SASH1: variants seen among roughly 807,000 people sequenced by gnomAD.
SASH1 encodes SAM and SH3 domain-containing protein 1.
In SASH1, 44 loss-of-function variants were observed where a neutral mutation model predicts 125.2. The ratio of observed to expected loss-of-function variants is 0.35; its 90% CI spans 0.28 to 0.45. SASH1 has a LOEUF of 0.45. Among genes scored for constraint, SASH1 ranks in the 20% least tolerant of loss-of-function variants. The pLI, the probability that SASH1 is intolerant of heterozygous loss-of-function variation, is 1.00. For synonymous variants in SASH1, 639 were observed against 649.1 expected (o/e 0.98, Z 0.24); for missense variants, 1,426 against 1,614.5 (o/e 0.88, Z 2.00).
chr6:148,387,074 CCTCTGT>C (rs1190682219), intron 1 of SASH1, among the ~76,000 whole-genome samples: 9 of 129,214 alleles, frequency 7.0e-5, no homozygotes, highest in African/African-American at 3.1e-4. Flanking sequence ...TTGCTTTCTC[CCTCTGT>C]CTCTCTCTCT....
chr6:148,426,483 CT>C (rs1444716299), intron 2 of SASH1, among the ~76,000 whole-genome samples: 1 of 152,160 alleles, frequency 6.6e-6, no homozygotes, highest in Non-Finnish European at 1.5e-5. Flanking sequence ...TGAAGGTGCT[CT>C]GGTTTCCATT....
chr6:148,461,029 T>C (rs1229376056), intron 4 of SASH1, among the ~76,000 whole-genome samples: 1 of 152,192 alleles, frequency 6.6e-6, no homozygotes, highest in Non-Finnish European at 1.5e-5. Context: ...CTGTGAATAG[T>C]TACAAGAAGT....
At chr6:148,388,726 G>A (rs1056055220) in intron 1 of SASH1, among the ~76,000 whole-genome samples, 1 of 152,208 alleles carries the variant, frequency 6.6e-6, no homozygotes, top group African/African-American at 2.4e-5. Flanking sequence ...TAGCAGAAAG[G>A]CTTTGGGAGA....
At chr6:148,410,099 CTTTTTTTT>C (rs869081496) in intron 2 of SASH1, among the ~76,000 whole-genome samples, 2 of 55,742 alleles carry the variant, frequency 3.6e-5, no homozygotes, top group Non-Finnish European at 6.8e-5. Flanking sequence ...CAGAGCAGTC[CTTTTTTTT>C]TTTTTTTTTT....
chr6:148,511,119 C>A (rs963862533), intron 8 of SASH1, among the ~76,000 whole-genome samples: 1 of 151,882 alleles, frequency 6.6e-6, no homozygotes, highest in Non-Finnish European at 1.5e-5. Context: ...AGAAGAAATG[C>A]AAGCCTTTTA....
At chr6:148,222,764 C>T in the SASH1 span, among the ~76,000 whole-genome samples, 1 of 143,288 alleles carries the variant, frequency 7.0e-6, no homozygotes, top group South Asian at 2.3e-4. Flanking sequence ...TTTTTTCCCC[C>T]TCCTTCCCCT....
the SASH1 span, among the ~76,000 whole-genome samples, chr6:148,218,325 T>C: frequency 2.0e-5 from 3 of 152,164 alleles, no homozygotes; most frequent in Admixed American, 6.5e-5. Flanking sequence ...TCGCCACAGA[T>C]GGTCACACAA....
rs576215761 is a variant in SASH1, at chr6:148,431,937, A to G, written c.286-8247A>G. ...ACCCATTTGTCATAAGCAGGAAACC[A>G]AATAAAAGCCAAGACTAGATAGTGT... On this transcript the variant is annotated intron_variant, in intron 2 of 19. Transcript: ENST00000367467. 1.3e-3 allele frequency among the ~76,000 whole-genome samples: 204 copies of G among 152,180 alleles called. 1 individual carries two copies. Among genetic ancestry groups the G allele is most frequent in the Non-Finnish European group, 9.9e-4 (67 of 68,020 alleles).
At chr6:148,437,732 ATTTG>A (rs916412631) in intron 2 of SASH1, among the ~76,000 whole-genome samples, 5 of 152,222 alleles carry the variant, frequency 3.3e-5, no homozygotes, top group Non-Finnish European at 7.3e-5. Context: ...AAAAAAAAAA[ATTTG>A]TTTAAATAGC....
At chr6:148,523,129 C>A (rs959753756) in intron 10 of SASH1, among the ~76,000 whole-genome samples, 3 of 152,152 alleles carry the variant, frequency 2.0e-5, no homozygotes, top group Non-Finnish European at 4.4e-5. Context: ...CACATAAATT[C>A]TTTGTCACTT....
intron 4 of SASH1, among the ~76,000 whole-genome samples, chr6:148,456,208 C>T (rs1777337084): frequency 6.6e-6 from 1 of 152,094 alleles, no homozygotes; most frequent in African/African-American, 2.4e-5. Flanking sequence ...CAGGCCGAGG[C>T]TGGTAAGGGC....
chr6:148,208,265 T>C, the SASH1 span, among the ~76,000 whole-genome samples: 1 of 152,200 alleles, frequency 6.6e-6, no homozygotes, highest in African/African-American at 2.4e-5. Flanking sequence ...TGCTGGCCAG[T>C]GCGATGCTAA....
At position 148,487,695 on chromosome 6, in the gene SASH1, G is replaced by C; in HGVS notation, c.709G>C (p.Asp237His). 6.2e-7 allele frequency: 1 copy of C among 1,612,986 alleles called. No individual in the cohort carries two copies. ...DWPDGSYPTF[D>H]GSSNCNSREQ... ...GCCAGATGGTTCTTACCCAACGTTT[G>C]ATGGCTCATCAAACTGCAATGTGAG... Residue 237 changes from aspartate (D) to histidine (H), a missense_variant, in exon 8 of 20, where the codon GAT becomes CAT. Asp to His is a moderately conservative substitution (Grantham distance 81). This residue lies in a region of SASH1 where 567 missense variants were observed against 575.6 expected (regional missense o/e 0.99). Coordinates refer to ENST00000367467, the MANE Select transcript of SASH1 (RefSeq NM_015278.5).
chr6:148,512,473 A>T, intron 8 of SASH1: 1 of 985,310 alleles, frequency 1.0e-6, no homozygotes, highest in Non-Finnish European at 1.2e-6. Flanking sequence ...TGGGTTTTTC[A>T]GGTGCTTGTT....
intron 16 of SASH1, among the ~76,000 whole-genome samples, chr6:148,538,122 T>C (rs527863995): frequency 6.6e-6 from 1 of 152,282 alleles, no homozygotes; most frequent in South Asian, 2.1e-4. Context: ...GCCCCCTTCC[T>C]TACGCCAACT....
the SASH1 span, among the ~76,000 whole-genome samples, chr6:148,243,651 C>CAAA: frequency 5.7e-5 from 4 of 70,288 alleles, no homozygotes; most frequent in Non-Finnish European, 7.7e-5. Context: ...AACTGTGTCT[C>CAAA]AAAAAAAAAA....
At chr6:148,505,833 T>G (rs1407032399) in intron 8 of SASH1, among the ~76,000 whole-genome samples, 1 of 151,876 alleles carries the variant, frequency 6.6e-6, no homozygotes, top group Admixed American at 6.6e-5. Flanking sequence ...AGACGGGGTT[T>G]CACCATGTTG....
intron 1 of SASH1, among the ~76,000 whole-genome samples, chr6:148,313,570 T>C (rs1169822271): frequency 1.3e-5 from 2 of 152,204 alleles, no homozygotes; most frequent in Non-Finnish European, 2.9e-5. Context: ...TCTTTGTTTC[T>C]ATAAATACAC....
chr6:148,264,506 A>G, the SASH1 span, among the ~76,000 whole-genome samples: 3 of 152,176 alleles, frequency 2.0e-5, no homozygotes, highest in South Asian at 2.1e-4. Flanking sequence ...AAATTCTTCA[A>G]TGGTTTCTTA....
Sources: gnomAD v4.1 joint callset for allele counts (sites outside exome capture counted in the v4.1 genomes callset) on GRCh38, gnomAD v4.1.1 for gene constraint, gnomAD v4.1.1 regional missense constraint, MANE v1.5 for transcripts, NCBI Gene and HGNC (gene_info 2026-07-23, HGNC 2026-07-21) for gene names.